The following AP3B1 variants were observed in gnomAD, a reference collection of about 807,000 sequenced individuals.
The protein encoded by AP3B1 is AP-3 complex subunit beta-1.
In AP3B1, 61 loss-of-function variants were observed where a neutral mutation model predicts 132.5. That is an observed-to-expected ratio of 0.46 (90% CI 0.37 to 0.57). The LOEUF (loss-of-function observed/expected upper bound fraction) is 0.57. Among genes scored for constraint, AP3B1 ranks in the 20% least tolerant of loss-of-function variants. The pLI, the probability that AP3B1 is intolerant of heterozygous loss-of-function variation, is 0.00. For synonymous variants in AP3B1, 388 were observed against 438.3 expected (o/e 0.89, Z 1.43); for missense variants, 1,120 against 1,289.4 (o/e 0.87, Z 2.01).
intron 22 of AP3B1, among the ~76,000 whole-genome samples, chr5:78,056,941 T>C (rs565184025): frequency 6.6e-6 from 1 of 152,334 alleles, no homozygotes; most frequent in South Asian, 2.1e-4. Flanking sequence ...TATGGCAGCA[T>C]TTGTTGGATG....
At chr5:78,011,719 G>A (rs747750283) in intron 26 of AP3B1, among the ~76,000 whole-genome samples, 45 of 152,034 alleles carry the variant, frequency 3.0e-4, no homozygotes, top group Non-Finnish European at 5.2e-4. Flanking sequence ...CATTAATAAA[G>A]GTTCACTTTT....
intron 15 of AP3B1, among the ~76,000 whole-genome samples, chr5:78,130,165 T>G (rs1013170825): frequency 6.6e-6 from 1 of 152,102 alleles, no homozygotes; most frequent in African/African-American, 2.4e-5. Flanking sequence ...TACAGTTATT[T>G]TATTGAAAAA....
chr5:78,085,633 T>C (rs991980114), intron 22 of AP3B1, among the ~76,000 whole-genome samples: 10 of 152,150 alleles, frequency 6.6e-5, no homozygotes, highest in African/African-American at 2.2e-4. Context: ...CTCATTTTTA[T>C]AGTAATAATT....
chr5:78,198,962 C>T (rs181779014), intron 7 of AP3B1, among the ~76,000 whole-genome samples: 2 of 152,316 alleles, frequency 1.3e-5, no homozygotes, highest in African/African-American at 4.8e-5. Flanking sequence ...GATATGCATA[C>T]TGGTTTGAGA....
intron 22 of AP3B1, among the ~76,000 whole-genome samples, chr5:78,071,414 A>T (rs1334073792): frequency 1.3e-5 from 2 of 152,112 alleles, no homozygotes; most frequent in African/African-American, 4.8e-5. Flanking sequence ...GTCAGGGGGC[A>T]CGGGAGGAGG....
chr5:78,119,312 C>T (rs1752035723), intron 17 of AP3B1, among the ~76,000 whole-genome samples: 1 of 152,210 alleles, frequency 6.6e-6, no homozygotes, highest in Admixed American at 6.5e-5. Flanking sequence ...CGCAGCTCCT[C>T]ACCAGCAACA....
intron 18 of AP3B1, 96 bp from the exon 19 acceptor site, chr5:78,114,019 T>C (rs1339682206): frequency 7.1e-7 from 1 of 1,410,390 alleles, no homozygotes; most frequent in African/African-American, 1.4e-5. Context: ...TGAAACCAGA[T>C]GTTGAATTTT....
chr5:78,067,316 T>C (rs114485395), intron 22 of AP3B1, among the ~76,000 whole-genome samples: 1,867 of 152,278 alleles, frequency 0.012, 39 homozygotes, highest in African/African-American at 0.042. Flanking sequence ...CATATGATAA[T>C]AGTGGGTGAC....
intron 2 of AP3B1, among the ~76,000 whole-genome samples, chr5:78,266,178 G>C (rs565474136): frequency 3.9e-5 from 6 of 152,244 alleles, no homozygotes; most frequent in African/African-American, 4.8e-5. Context: ...ATACACCATG[G>C]TAAATGAAAT....
chr5:78,176,737 T>A (rs1009729339), intron 9 of AP3B1, among the ~76,000 whole-genome samples: 1 of 152,118 alleles, frequency 6.6e-6, no homozygotes, highest in Non-Finnish European at 1.5e-5. Context: ...ACCACTAAAT[T>A]ATAAAGAGGT....
At chr5:78,260,034 T>A (rs1378167848) in intron 2 of AP3B1, among the ~76,000 whole-genome samples, 3 of 151,870 alleles carry the variant, frequency 2.0e-5, no homozygotes, top group Non-Finnish European at 4.4e-5. Flanking sequence ...AAATGTTTTT[T>A]AAAAAAGCAA....
chr5:78,181,343 C>T (rs1010990196), intron 8 of AP3B1, among the ~76,000 whole-genome samples, 164 bp downstream of exon 8: 10 of 152,088 alleles, frequency 6.6e-5, no homozygotes, highest in African/African-American at 2.4e-4. Flanking sequence ...AAATCTATAG[C>T]TTACATTCCA....
At position 78,169,052 on chromosome 5, in the gene AP3B1, T is replaced by G. The variant is rs944132009; in HGVS notation, c.1168-3380A>C. On this transcript the variant is annotated intron_variant, in intron 11 of 26. Coordinates refer to ENST00000255194, the MANE Select transcript of AP3B1 (RefSeq NM_003664.5). ...ATAGTCCATCCTTTCCTCATTGGTT[T>G]GTAATATCTCCTCTACTATATGGTA... Among the ~76,000 whole-genome samples, 7 of 152,178 alleles carry G rather than the reference T, an allele frequency of 4.6e-5. No individual in the cohort carries two copies. The South Asian group carries it at 1.2e-3, about 27-fold the overall frequency.
chr5:78,267,547 T>C lies in AP3B1; in HGVS notation c.177A>G (p.Lys59=). 4 of 1,611,724 alleles carry C rather than the reference T, an allele frequency of 2.5e-6. No individual in the cohort carries two copies. Among genetic ancestry groups the C allele is most frequent in the Non-Finnish European group, 3.4e-6 (4 of 1,178,600 alleles). Reference sequence around the variant, plus strand: ...CAACAATCCGCTTCATAGCATCCAGTTTAGCAGAATCTTTGTTGCTCTCTA... The same window carrying C: ...CAACAATCCGCTTCATAGCATCCAGCTTAGCAGAATCTTTGTTGCTCTCTA... ...QMLESNKDSA[K]LDAMKRIVGM... The change falls in exon 2 of 27, where the codon AAA becomes AAG. Residue 59 remains lysine, a synonymous_variant. Coordinates refer to ENST00000255194, the MANE Select transcript of AP3B1 (RefSeq NM_003664.5).
chr5:78,089,925 C>T (rs2083252061), intron 21 of AP3B1, among the ~76,000 whole-genome samples: 1 of 152,128 alleles, frequency 6.6e-6, no homozygotes, highest in East Asian at 1.9e-4. Context: ...TTTTATTCTC[C>T]ACTCTAATCA....
intron 20 of AP3B1, among the ~76,000 whole-genome samples, chr5:78,101,533 A>C (rs989843230): frequency 6.6e-6 from 1 of 152,060 alleles, no homozygotes; most frequent in African/African-American, 2.4e-5. Context: ...TTCTTTGCCA[A>C]AGATATTCAT....
At chr5:78,250,779 T>A (rs565002465) in intron 2 of AP3B1, among the ~76,000 whole-genome samples, 99 of 152,126 alleles carry the variant, frequency 6.5e-4, no homozygotes, top group African/African-American at 2.2e-3. Flanking sequence ...GGCATTTTTT[T>A]AAAAAAGAAT....
At chr5:78,148,110 A>G (rs1404921908) in intron 14 of AP3B1, among the ~76,000 whole-genome samples, 1 of 152,100 alleles carries the variant, frequency 6.6e-6, no homozygotes, top group East Asian at 1.9e-4. Context: ...ATCCCTGGAC[A>G]TGAATATACT....
chr5:78,110,365 T>C lies in AP3B1; in HGVS notation c.2250-11A>G, dbSNP rs892850467. 2 of 1,595,258 alleles carry C rather than the reference T, an allele frequency of 1.3e-6. No individual in the cohort carries two copies. Among genetic ancestry groups the C allele is most frequent in the South Asian group, 1.1e-5 (1 of 89,080 alleles). ...CCATCTTCAGAATCACTACACATAA[T>C]AGTAAATTTTGAAATATGAACTTTA... On this transcript the variant is annotated splice_polypyrimidine_tract_variant and intron_variant, in intron 19 of 26. Transcript: ENST00000255194.
Sources: gnomAD v4.1 joint callset for allele counts (sites outside exome capture counted in the v4.1 genomes callset) on GRCh38, gnomAD v4.1.1 for gene constraint, MANE v1.5 for transcripts, NCBI Gene and HGNC (gene_info 2026-07-23, HGNC 2026-07-21) for gene names.